PGM5: variants seen among roughly 807,000 people sequenced by gnomAD.
The protein encoded by PGM5 is phosphoglucomutase 5, also known as phosphoglucomutase-like protein 5.
In PGM5, 23 loss-of-function variants were observed where a neutral mutation model predicts 59.2. The observed-to-expected ratio is 0.39, with a 90% CI of 0.28 to 0.55. The LOEUF (loss-of-function observed/expected upper bound fraction) is 0.55. Among genes scored for constraint, PGM5 ranks in the 20% least tolerant of loss-of-function variants. The probability of loss-of-function intolerance (pLI) is 0.66; values close to 1 mark genes in which losing one functional copy is unlikely to be tolerated. For missense variants in PGM5, 574 were observed against 748.3 expected (o/e 0.77, Z 2.72); for synonymous variants, 214 against 286.0 (o/e 0.75, Z 2.54).
At chr9:68,424,364 G>A (rs1823198571) in intron 6 of PGM5, among the ~76,000 whole-genome samples, 1 of 152,126 alleles carries the variant, frequency 6.6e-6, no homozygotes, top group Non-Finnish European at 1.5e-5. Context: ...TCTGGTGAGG[G>A]CCTGGCTTCC....
intron 6 of PGM5, among the ~76,000 whole-genome samples, chr9:68,413,478 C>T (rs1226244851): frequency 1.3e-5 from 2 of 152,210 alleles, no homozygotes; most frequent in Admixed American, 6.5e-5. Context: ...GTATACCTGC[C>T]TTTTCTGGCT....
chr9:68,358,672 C>A (rs1463925150), intron 1 of PGM5, among the ~76,000 whole-genome samples: 1 of 151,952 alleles, frequency 6.6e-6, no homozygotes, highest in Non-Finnish European at 1.5e-5. Context: ...TTATTAAAAA[C>A]ATTTTTAAAG....
intron 6 of PGM5, among the ~76,000 whole-genome samples, chr9:68,413,133 G>T (rs1197086019): frequency 2.6e-5 from 4 of 152,182 alleles, no homozygotes; most frequent in Admixed American, 6.5e-5. Context: ...CATTACTTGA[G>T]AGTATCATGT....
intron 6 of PGM5, among the ~76,000 whole-genome samples, chr9:68,441,091 T>A (rs1283914528): frequency 1.3e-5 from 2 of 152,158 alleles, no homozygotes; most frequent in East Asian, 3.9e-4. Flanking sequence ...ATACAAATTA[T>A]CAACACTCAC....
At chr9:68,499,541 A>G (rs1032090436) in intron 10 of PGM5, among the ~76,000 whole-genome samples, 180 bp downstream of exon 10, 1 of 152,268 alleles carries the variant, frequency 6.6e-6, no homozygotes, top group African/African-American at 2.4e-5. Flanking sequence ...TGTTTGAAAC[A>G]GAAAAATTGC....
intron 9 of PGM5, chr9:68,498,967 C>T (rs1564022796): frequency 2.4e-6 from 1 of 409,662 alleles, no homozygotes; most frequent in Non-Finnish European, 4.4e-6. Flanking sequence ...CCCAAGAGAA[C>T]TTGAGTATCT....
chr9:68,394,281 G>A (rs1420345983), intron 6 of PGM5: 1 of 152,054 alleles, frequency 6.6e-6, no homozygotes, highest in Non-Finnish European at 1.5e-5. Context: ...TGAAAAAATA[G>A]CCACAAAATC....
chr9:68,376,826 TTTCTTTCTC>T lies in PGM5; in HGVS notation c.262-1370_262-1362del, dbSNP rs1430852866. 6.3e-3 allele frequency among the ~76,000 whole-genome samples: 697 copies of T among 110,004 alleles called. 23 individuals carry two copies. The highest frequency in any genetic ancestry group is 0.02 in the African/African-American group (551 of 27,874). 72.2% of individuals were successfully genotyped at this position (110,004 alleles called of 152,430 possible). The stretch of plus-strand genomic sequence containing the variant: ...CTTTCTTTCTTTCTTTCTTTCTTTC[TTTCTTTCTC>T]TTTCTTTCTTTCTTTCTCTTTCTTT... On this transcript the variant is annotated intron_variant, in intron 1 of 10. Transcript: ENST00000396396.
chr9:68,491,136 G>A (rs1824382758), intron 9 of PGM5, among the ~76,000 whole-genome samples: 1 of 152,238 alleles, frequency 6.6e-6, no homozygotes, highest in Non-Finnish European at 1.5e-5. Flanking sequence ...GGATACAACA[G>A]TATTCAGGAC....
chr9:68,425,479 C>CATAAATATAT (rs1554682637), intron 6 of PGM5, among the ~76,000 whole-genome samples: 1 of 152,064 alleles, frequency 6.6e-6, no homozygotes, highest in Non-Finnish European at 1.5e-5. Context: ...CTTGAAATTT[C>CATAAATATAT]ATAAATATAT....
Position 68,507,116 on chromosome 9 carries a change from C to T in PGM5, c.1614+7755C>T, listed in dbSNP as rs554759961. 2.6e-5 allele frequency among the ~76,000 whole-genome samples: 4 copies of T among 152,232 alleles called. No individual in the cohort carries two copies. In the South Asian group the frequency reaches 8.3e-4, roughly 32 times the overall value. On this transcript the variant is annotated intron_variant, in intron 10 of 10. Transcript: ENST00000396396. ...TGAGGAAATACCTCATTTTATTTTTCTCCTCAGAATTTGGTCGGTATTGCT... is the reference window on the plus strand; with the variant it reads ...TGAGGAAATACCTCATTTTATTTTTTTCCTCAGAATTTGGTCGGTATTGCT...
At chr9:68,379,610 A>G (rs1822013908) in intron 2 of PGM5, among the ~76,000 whole-genome samples, 3 of 152,114 alleles carry the variant, frequency 2.0e-5, no homozygotes, top group Admixed American at 2.0e-4. Context: ...ATCAATAATA[A>G]CCTTGCTGGT....
At chr9:68,445,650 G>A (rs1189690021) in intron 6 of PGM5, among the ~76,000 whole-genome samples, 1 of 152,210 alleles carries the variant, frequency 6.6e-6, no homozygotes, top group Non-Finnish European at 1.5e-5. Context: ...AGAGTCTGCT[G>A]TGAGTACCTT....
At chr9:68,371,256 G>T (rs1470580557) in intron 1 of PGM5, among the ~76,000 whole-genome samples, 1 of 152,214 alleles carries the variant, frequency 6.6e-6, no homozygotes, top group Non-Finnish European at 1.5e-5. Flanking sequence ...GCCATGGCTT[G>T]GTCCTCCCTG....
At chr9:68,440,173 CAGAT>C (rs1342856920) in intron 6 of PGM5, among the ~76,000 whole-genome samples, 2 of 152,138 alleles carry the variant, frequency 1.3e-5, no homozygotes, top group African/African-American at 4.8e-5. Context: ...CAGACAGAAA[CAGAT>C]AGATCTGATG....
At chr9:68,406,278 T>G (rs1261431949) in intron 6 of PGM5, 1 of 151,924 alleles carries the variant, frequency 6.6e-6, no homozygotes, top group Non-Finnish European at 1.5e-5. Flanking sequence ...TGGTAATTTA[T>G]GAAGAAAAGG....
intron 6 of PGM5, among the ~76,000 whole-genome samples, chr9:68,421,082 G>A (rs1013863391): frequency 1.4e-4 from 22 of 152,202 alleles, no homozygotes; most frequent in African/African-American, 3.9e-4. Context: ...ATATGCACAC[G>A]TGGACATGTA....
At chr9:68,520,727 C>T (rs769928420) in intron 10 of PGM5, among the ~76,000 whole-genome samples, 5 of 152,150 alleles carry the variant, frequency 3.3e-5, no homozygotes, top group Non-Finnish European at 7.4e-5. Context: ...AAGGGAAGTC[C>T]TTTAATATCA....
At position 68,468,671 on chromosome 9, in the gene PGM5, G is replaced by A. The variant is rs566438511; in HGVS notation, c.1159+3463G>A. On this transcript the variant is annotated intron_variant, in intron 7 of 10. Coordinates refer to ENST00000396396, the MANE Select transcript of PGM5 (RefSeq NM_021965.4). Reference sequence around the variant, plus strand: ...CTCTATCCTCATTTTCCCCCTCCCCGTTAACAGTTTGTTCTAATTGGTTCT... The same window carrying A: ...CTCTATCCTCATTTTCCCCCTCCCCATTAACAGTTTGTTCTAATTGGTTCT... Among the ~76,000 whole-genome samples, 84 of 152,054 alleles carry A rather than the reference G, an allele frequency of 5.5e-4. 1 individual carries two copies. The South Asian group carries it at 7.5e-3, about 14-fold the overall frequency.
Sources: allele counts gnomAD v4.1 joint callset (sites outside exome capture counted in the v4.1 genomes callset), GRCh38; gene constraint gnomAD v4.1.1; transcripts MANE v1.5; gene names NCBI Gene and HGNC (gene_info 2026-07-23, HGNC 2026-07-21).